Variants in MYO5C observed in about 807,000 individuals in gnomAD.
MYO5C encodes the protein myosin VC.
MYO5C carries 194 observed loss-of-function variants against 235.7 expected under a neutral mutation model. That is an observed-to-expected ratio of 0.82 (90% CI 0.73 to 0.93). The LOEUF (loss-of-function observed/expected upper bound fraction) is 0.93. Ranked by LOEUF, MYO5C falls within the 40% of genes least tolerant of loss-of-function variation. The pLI is 0.00. For missense variants in MYO5C, 2,038 were observed against 2,127.2 expected, an observed-to-expected ratio of 0.96 and a Z score of 0.82; for synonymous variants, 707 against 754.8, an observed-to-expected ratio of 0.94 and a Z score of 1.04.
intron 38 of MYO5C, among the ~76,000 whole-genome samples, chr15:52,198,766 G>C (rs1460290658): frequency 1.3e-5 from 2 of 151,914 alleles, no homozygotes; most frequent in African/African-American, 4.8e-5. Context: ...ATTTTTAGTA[G>C]AGATGGGGTT....
At chr15:52,291,620 C>T (rs1341034846) in intron 1 of MYO5C, among the ~76,000 whole-genome samples, 3 of 152,126 alleles carry the variant, frequency 2.0e-5, no homozygotes, top group Admixed American at 1.3e-4. Flanking sequence ...ACCTAACAAC[C>T]CATCCCCAGC....
intron 8 of MYO5C, among the ~76,000 whole-genome samples, chr15:52,268,390 C>T (rs983119081): frequency 1.3e-5 from 2 of 152,100 alleles, no homozygotes; most frequent in Non-Finnish European, 2.9e-5. Flanking sequence ...CGGTGAAACC[C>T]TGTATCTACT....
intron 2 of MYO5C, among the ~76,000 whole-genome samples, chr15:52,281,929 C>T (rs2037169634): frequency 6.6e-6 from 1 of 152,218 alleles, no homozygotes; most frequent in Non-Finnish European, 1.5e-5. Context: ...AAATCCCCTG[C>T]CCAGTTCTCT....
chr15:52,259,287 G>A (rs1306446820), intron 10 of MYO5C, among the ~76,000 whole-genome samples: 1 of 151,904 alleles, frequency 6.6e-6, no homozygotes, highest in African/African-American at 2.4e-5. Flanking sequence ...GGGCGTAGTG[G>A]CAGGTGCCTG....
At chr15:52,256,354 A>G (rs941034072) in intron 11 of MYO5C, among the ~76,000 whole-genome samples, 2 of 152,166 alleles carry the variant, frequency 1.3e-5, no homozygotes, top group African/African-American at 4.8e-5. Context: ...GCCTCAGGCA[A>G]CCAACTAAAT....
Position 52,232,998 on chromosome 15 carries a change from G to A in MYO5C, c.2963-313C>T, listed in dbSNP as rs373051659. 1.5e-3 allele frequency among the ~76,000 whole-genome samples: 20 copies of A among 13,732 alleles called. 8 individuals are homozygous for A. The Non-Finnish European group carries it at 0.035, about 24-fold the overall frequency. 9.0% of individuals were successfully genotyped at this position (13,732 alleles called of 152,430 possible). On this transcript the variant is annotated intron_variant, in intron 23 of 40. Coordinates refer to ENST00000261839, the MANE Select transcript of MYO5C (RefSeq NM_018728.4). ...ATGAATATTATTAAAAATAAATAGAGGCCGGGCGCGGTGGCTCACGCCTGT... is the reference window on the plus strand; with the variant it reads ...ATGAATATTATTAAAAATAAATAGAAGCCGGGCGCGGTGGCTCACGCCTGT...
intron 38 of MYO5C, among the ~76,000 whole-genome samples, chr15:52,198,490 A>C (rs935822723): frequency 2.6e-5 from 4 of 152,092 alleles, no homozygotes; most frequent in Admixed American, 1.3e-4. Flanking sequence ...GGTTCTCACT[A>C]TCCCTCATTT....
intron 25 of MYO5C, among the ~76,000 whole-genome samples, chr15:52,227,819 A>C (rs2035862993): frequency 6.6e-6 from 1 of 152,242 alleles, no homozygotes; most frequent in Non-Finnish European, 1.5e-5. Context: ...GGCCACCCGG[A>C]TGCAATTCCA....
intron 30 of MYO5C, 139 bp from the exon 31 acceptor site, chr15:52,219,961 G>A (rs2035640671): frequency 1.6e-6 from 1 of 628,236 alleles, no homozygotes; most frequent in South Asian, 1.9e-5. Context: ...CATATTGGAA[G>A]AAGAATTGTC....
At chr15:52,282,739 C>T (rs773285375) in intron 2 of MYO5C, 43 bp downstream of exon 2, 15 of 1,370,764 alleles carry the variant, frequency 1.1e-5, no homozygotes, top group South Asian at 2.3e-5. Context: ...CCCCAGCTAC[C>T]GCTTTACACA....
chr15:52,245,295 T>G, intron 18 of MYO5C, 59 bp downstream of exon 18: 2 of 1,093,264 alleles, frequency 1.8e-6, no homozygotes, highest in South Asian at 2.5e-5. Context: ...TGAAACAGCA[T>G]GTTTGGGAGA....
intron 11 of MYO5C, 48 bp downstream of exon 11, chr15:52,256,591 G>GCGCGCGCA (rs773963470): frequency 1.5e-5 from 16 of 1,089,246 alleles, no homozygotes; most frequent in Middle Eastern, 2.1e-4. Flanking sequence ...ACACACACGC[G>GCGCGCGCA]CGCGCGCGCG....
intron 5 of MYO5C, among the ~76,000 whole-genome samples, chr15:52,275,210 A>G (rs2037014601): frequency 6.6e-6 from 1 of 152,226 alleles, no homozygotes; most frequent in South Asian, 2.1e-4. Flanking sequence ...AAATTCCTGA[A>G]TATTTTAACA....
intron 9 of MYO5C, among the ~76,000 whole-genome samples, chr15:52,263,033 G>A (rs369965583): frequency 6.6e-6 from 1 of 152,164 alleles, no homozygotes; most frequent in East Asian, 1.9e-4. Flanking sequence ...ACAATGAGAA[G>A]GTGGCTATCT....
At chr15:52,236,483 T>G (rs1183535063) in intron 22 of MYO5C, among the ~76,000 whole-genome samples, 1 of 152,178 alleles carries the variant, frequency 6.6e-6, no homozygotes, top group Non-Finnish European at 1.5e-5. Flanking sequence ...GAGACCAGCT[T>G]GGCCAACATG....
intron 25 of MYO5C, among the ~76,000 whole-genome samples, chr15:52,228,793 T>C (rs911270554): frequency 1.8e-4 from 27 of 152,364 alleles, no homozygotes; most frequent in African/African-American, 6.5e-4. Flanking sequence ...AACTTAACTT[T>C]AATGCAGGTG....
At chr15:52,206,015 G>A (rs773836550) in intron 36 of MYO5C, 49 bp from the exon 37 acceptor site, 3 of 1,160,398 alleles carry the variant, frequency 2.6e-6, no homozygotes, top group Non-Finnish European at 3.5e-6. Flanking sequence ...AAACATGTAG[G>A]AAATTAATAA....
chr15:52,225,296 C>A, intron 26 of MYO5C, 143 bp downstream of exon 26: 1 of 1,048,270 alleles, frequency 9.5e-7, no homozygotes, highest in Non-Finnish European at 1.4e-6. Context: ...GGTATTCAAC[C>A]AACTAGCTAT....
Position 52,248,720 on chromosome 15 carries a change from C to T in MYO5C, c.1726G>A (p.Glu576Lys), listed in dbSNP as rs2141330627. The part of the protein sequence containing the change: ...NRDTVYDMLV[E>K]ILRASKFHLC... ...CAGACCTTGCTTGCTCTCAGGATTT[C>T]AACCAGCATGTCATAGACGGTGTCT... The change falls in exon 14 of 41, where the codon GAA becomes AAA. Residue 576 changes from glutamate (E) to lysine (K), a missense_variant. Coordinates refer to ENST00000261839, the MANE Select transcript of MYO5C (RefSeq NM_018728.4). 1.2e-6 allele frequency: 2 copies of T among 1,614,044 alleles called. No homozygotes were observed. The highest frequency in any genetic ancestry group is 1.7e-6 in the Non-Finnish European group (2 of 1,179,928).
Sources: allele counts gnomAD v4.1 joint callset (sites outside exome capture counted in the v4.1 genomes callset), GRCh38; gene constraint gnomAD v4.1.1; transcripts MANE v1.5; gene names NCBI Gene and HGNC (gene_info 2026-07-23, HGNC 2026-07-21).